Variants in FYB2 observed in about 807,000 individuals in gnomAD.
FYB2 encodes FYN binding protein 2, also known as FYN-binding protein 2.
Under a neutral mutation model 94.1 loss-of-function variants are expected in FYB2, and 103 were observed. The ratio of observed to expected loss-of-function variants is 1.09; its 90% CI spans 0.93 to 1.29. The LOEUF (loss-of-function observed/expected upper bound fraction) is 1.29, where lower values mean the gene tolerates loss of function less well. Among genes scored for constraint, FYB2 ranks in the 50% most tolerant of loss-of-function variants. The probability of loss-of-function intolerance (pLI) is 0.00; values close to 1 mark genes in which losing one functional copy is unlikely to be tolerated. For missense variants in FYB2, 896 were observed against 841.5 expected (o/e 1.06, Z -0.80); for synonymous variants, 293 against 287.9 (o/e 1.02, Z -0.18).
At chr1:56,804,754 A>C (rs574498727) in intron 1 of FYB2, among the ~76,000 whole-genome samples, 24 of 130,764 alleles carry the variant, frequency 1.8e-4, no homozygotes, top group African/African-American at 5.5e-4. Flanking sequence ...TAAATACATA[A>C]ATAAATAAAT....
At chr1:56,810,371 C>T (rs1164360814) in intron 1 of FYB2, among the ~76,000 whole-genome samples, 2 of 150,500 alleles carry the variant, frequency 1.3e-5, no homozygotes, top group African/African-American at 4.9e-5. Context: ...TGAAACTACC[C>T]TATGAAGTAC....
At chr1:56,809,063 C>G (rs1646707467) in intron 1 of FYB2, among the ~76,000 whole-genome samples, 1 of 152,150 alleles carries the variant, frequency 6.6e-6, no homozygotes, top group Non-Finnish European at 1.5e-5. Flanking sequence ...ACATTGTGAT[C>G]ACAGAGACCA....
At chr1:56,802,267 T>G (rs2101032347) in intron 1 of FYB2, among the ~76,000 whole-genome samples, 1 of 152,320 alleles carries the variant, frequency 6.6e-6, no homozygotes, top group South Asian at 2.1e-4. Context: ...CTCATCTTTT[T>G]CAATACAAGG....
At position 56,807,638 on chromosome 1, in the gene FYB2, G is replaced by C. The variant is rs572829421; in HGVS notation, c.9+11644C>G. 3.3e-4 allele frequency among the ~76,000 whole-genome samples: 50 copies of C among 152,306 alleles called. 2 individuals are homozygous for C. Among genetic ancestry groups the C allele is most frequent in the Admixed American group, 1.5e-3 (23 of 15,294 alleles). On this transcript the variant is annotated intron_variant, in intron 1 of 19. Transcript: ENST00000343433. ...TTACTGAGCTTGCACCACTGCAGTA[G>C]ATGCAGTGCATCTCCACTTCAGAGA...
chr1:56,796,133 C>A (rs1375827241), intron 1 of FYB2, among the ~76,000 whole-genome samples: 1 of 152,200 alleles, frequency 6.6e-6, no homozygotes, highest in African/African-American at 2.4e-5. Context: ...AATTTCTTCT[C>A]TCTAGCTCAG....
chr1:56,801,049 T>C (rs1239422833), intron 1 of FYB2, among the ~76,000 whole-genome samples: 1 of 152,178 alleles, frequency 6.6e-6, no homozygotes, highest in Non-Finnish European at 1.5e-5. Context: ...CAGACCTCTA[T>C]AGTATCGCCA....
chr1:56,769,259 C>T (rs1645698593), intron 4 of FYB2, among the ~76,000 whole-genome samples: 1 of 151,988 alleles, frequency 6.6e-6, no homozygotes, highest in Non-Finnish European at 1.5e-5. Flanking sequence ...AGGCTGGTCT[C>T]GAACTCCTAG....
At position 56,767,880 on chromosome 1, in the gene FYB2, T is replaced by G; in HGVS notation, c.1012A>C (p.Arg338=). ...AGGTTAATGGAGTTGCCAGAGTGTC[T>G]CAGATATGAAATTGTTGCCTCGTAA... ...HNYEATISYL[R]HSGNSINLCT... The change falls in exon 5 of 20, where the codon AGA becomes CGA. Residue 338 remains arginine (R), a synonymous_variant. Coordinates refer to ENST00000343433, the MANE Select transcript of FYB2 (RefSeq NM_001004303.5). 2 of 1,612,420 alleles carry G rather than the reference T, an allele frequency of 1.2e-6. No homozygotes were observed. Among genetic ancestry groups the G allele is most frequent in the South Asian group, 2.2e-5 (2 of 90,658 alleles).
chr1:56,757,792 G>T (rs1427466726), intron 6 of FYB2, among the ~76,000 whole-genome samples: 1 of 136,082 alleles, frequency 7.3e-6, no homozygotes, highest in African/African-American at 2.7e-5. Flanking sequence ...TTGATACAGG[G>T]TCTCAGTCTG....
chr1:56,732,066 G>A (rs533290191), intron 15 of FYB2: 10 of 152,218 alleles, frequency 6.6e-5, no homozygotes, highest in East Asian at 1.9e-4. Context: ...CAGACGACAT[G>A]ATCTTATATC....
chr1:56,719,959 G>T, intron 19 of FYB2, 63 bp downstream of exon 19: 1 of 1,458,624 alleles, frequency 6.9e-7, no homozygotes, highest in South Asian at 1.3e-5. Flanking sequence ...CTTCTCTTGA[G>T]ACTAATGTAT....
intron 15 of FYB2, chr1:56,731,896 C>T (rs1470809984): frequency 6.6e-6 from 1 of 152,078 alleles, no homozygotes; most frequent in East Asian, 1.9e-4. Context: ...TCTTACCTAA[C>T]AGGGAAAAGC....
intron 1 of FYB2, among the ~76,000 whole-genome samples, chr1:56,818,455 A>AACACACACAC (rs3991685): frequency 4.1e-4 from 57 of 139,962 alleles, no homozygotes; most frequent in African/African-American, 1.3e-3. Flanking sequence ...GTATGGAAGC[A>AACACACACAC]ACACACACAC....
chr1:56,744,151 C>T lies in FYB2; in HGVS notation c.1502+1G>A. On this transcript the variant is annotated splice_donor_variant, in intron 10 of 19. Transcript: ENST00000343433. LOFTEE classifies it high-confidence loss of function. The stretch of plus-strand genomic sequence containing the variant: ...TGCTGAAAGACTGGAATGTTACTTA[C>T]ACCTCTTTCCTGGAGTACTCGACAT... 1.2e-6 allele frequency: 2 copies of T among 1,612,074 alleles called. No individual in the cohort carries two copies. The highest frequency in any genetic ancestry group is 1.7e-6 in the Non-Finnish European group (2 of 1,178,714).
At chr1:56,720,486 A>T (rs1215704805) in intron 17 of FYB2, 157 bp from the exon 18 acceptor site, 19 of 552,252 alleles carry the variant, frequency 3.4e-5, no homozygotes, top group Non-Finnish European at 5.1e-5. Flanking sequence ...GAAAGTATGC[A>T]GTTAAAGGAA....
chr1:56,719,928 A>T, intron 19 of FYB2, 94 bp downstream of exon 19: 1 of 1,317,732 alleles, frequency 7.6e-7, no homozygotes, highest in East Asian at 2.5e-5. Context: ...ACTTATCCTG[A>T]ATTTCAATAA....
chr1:56,728,324 C>T (rs1644628059), intron 15 of FYB2, among the ~76,000 whole-genome samples: 1 of 152,032 alleles, frequency 6.6e-6, no homozygotes, highest in Non-Finnish European at 1.5e-5. Context: ...TAATGCGTAC[C>T]TATTCTGAGC....
intron 6 of FYB2, among the ~76,000 whole-genome samples, chr1:56,756,855 A>C (rs1175014006): frequency 6.6e-6 from 1 of 152,140 alleles, no homozygotes; most frequent in Non-Finnish European, 1.5e-5. Context: ...TGAAAAACTC[A>C]TTGCTAGACA....
rs1242330431 is a variant in FYB2 at position 56,819,317 on chromosome 1, A to G, written c.-27T>C. ...GCTTTCCTCCAAGGCAGAGTCAGGG[A>G]AACAAGCCCAGCCTCTCAGAGCTGG... On this transcript the variant is annotated 5_prime_UTR_variant, in exon 1 of 20. Coordinates refer to ENST00000343433, the MANE Select transcript of FYB2 (RefSeq NM_001004303.5). The G allele has an allele frequency of 6.2e-7, 1 of 1,614,140 alleles. No individual in the cohort carries two copies. Among genetic ancestry groups the G allele is most frequent in the Non-Finnish European group, 8.5e-7 (1 of 1,180,026 alleles).
Sources: gnomAD v4.1 joint callset for allele counts (sites outside exome capture counted in the v4.1 genomes callset) on GRCh38, gnomAD v4.1.1 for gene constraint, MANE v1.5 for transcripts, NCBI Gene and HGNC (gene_info 2026-07-23, HGNC 2026-07-21) for gene names.